SV2C: variants seen among roughly 807,000 people sequenced by gnomAD.
SV2C encodes the protein solute carrier family 22 member B3.
Under a neutral mutation model 79.7 loss-of-function variants are expected in SV2C, and 49 were observed. The observed-to-expected ratio is 0.61, with a 90% CI of 0.49 to 0.78. The LOEUF is 0.78. Ranked by LOEUF, SV2C falls within the 30% of genes least tolerant of loss-of-function variation. The probability of loss-of-function intolerance (pLI) is 0.00; values close to 1 mark genes in which losing one functional copy is unlikely to be tolerated. For synonymous variants in SV2C, 334 were observed against 333.2 expected (o/e 1.00, Z -0.03); for missense variants, 833 against 912.9 (o/e 0.91, Z 1.13).
At chr5:76,165,835 G>C (rs572479412) in intron 2 of SV2C, among the ~76,000 whole-genome samples, 1 of 152,304 alleles carries the variant, frequency 6.6e-6, no homozygotes, top group African/African-American at 2.4e-5. Context: ...CAAGGTTGGG[G>C]CTGGGAGAGA....
At chr5:76,208,264 T>TA (rs1311205660) in intron 3 of SV2C, among the ~76,000 whole-genome samples, 7 of 152,240 alleles carry the variant, frequency 4.6e-5, no homozygotes, top group African/African-American at 1.2e-4. Flanking sequence ...AAATGATACT[T>TA]ATGCTTATCC....
chr5:75,959,245 C>T, the SV2C span, among the ~76,000 whole-genome samples: 5 of 152,054 alleles, frequency 3.3e-5, no homozygotes, highest in Admixed American at 6.6e-5. Flanking sequence ...TGGAGTTTAG[C>T]GGGGCAGACT....
chr5:76,138,002 A>T (rs1749124960), intron 2 of SV2C, among the ~76,000 whole-genome samples: 1 of 152,238 alleles, frequency 6.6e-6, no homozygotes, highest in African/African-American at 2.4e-5. Flanking sequence ...CACTAGTGTT[A>T]CAGGTTCAGT....
At chr5:76,052,279 T>C in the SV2C span, among the ~76,000 whole-genome samples, 5 of 152,338 alleles carry the variant, frequency 3.3e-5, no homozygotes, top group South Asian at 4.1e-4. Flanking sequence ...TTGAGATCAG[T>C]GTGCTTCAGA....
the SV2C span, among the ~76,000 whole-genome samples, chr5:76,034,606 A>G: frequency 6.6e-6 from 1 of 152,174 alleles, no homozygotes; most frequent in Non-Finnish European, 1.5e-5. Context: ...AGCCCACTTG[A>G]TCATGGTGGA....
intron 4 of SV2C, among the ~76,000 whole-genome samples, chr5:76,263,869 G>A (rs900562543): frequency 3.9e-5 from 6 of 151,940 alleles, no homozygotes; most frequent in Admixed American, 6.6e-5. Context: ...TTTTTCCTTC[G>A]TTTGAACCTT....
chr5:75,992,674 A>G, the SV2C span, among the ~76,000 whole-genome samples: 1 of 152,056 alleles, frequency 6.6e-6, no homozygotes, highest in Admixed American at 6.6e-5. Flanking sequence ...CTTGTCTCCC[A>G]GTGGTAAATC....
the SV2C span, among the ~76,000 whole-genome samples, chr5:76,034,028 C>G: frequency 1.5e-5 from 2 of 136,404 alleles, no homozygotes; most frequent in Non-Finnish European, 1.7e-5. Flanking sequence ...TGGGAGTTCA[C>G]TCATGATTTG....
At chr5:76,316,528 C>T (rs186091534) in intron 12 of SV2C, among the ~76,000 whole-genome samples, 451 of 152,268 alleles carry the variant, frequency 3.0e-3, no homozygotes, top group Non-Finnish European at 3.9e-3. Flanking sequence ...GTTATACGTG[C>T]ACTTTGGTTC....
chr5:76,107,416 G>A (rs1267685111), intron 1 of SV2C, among the ~76,000 whole-genome samples: 5 of 152,144 alleles, frequency 3.3e-5, no homozygotes, highest in African/African-American at 7.2e-5. Context: ...TGACTAGCTC[G>A]TGAGTTAGAT....
intron 6 of SV2C, among the ~76,000 whole-genome samples, chr5:76,288,461 A>G (rs1747426168): frequency 6.6e-6 from 1 of 152,234 alleles, no homozygotes; most frequent in Non-Finnish European, 1.5e-5. Context: ...TTGAGTAGAT[A>G]TACAATAGAG....
In SV2C at chr5:76,333,443, G is replaced by T. The variant is rs1040779407; in HGVS notation, c.*7896G>T. ...CTTCCATTTTGAACATATGCTAAACGTACTATCCACTGTCTATTTTAATGA... is the reference window on the plus strand; with the variant it reads ...CTTCCATTTTGAACATATGCTAAACTTACTATCCACTGTCTATTTTAATGA... On this transcript the variant is annotated 3_prime_UTR_variant, in exon 13 of 13. Coordinates refer to ENST00000502798, the MANE Select transcript of SV2C (RefSeq NM_014979.4). 6.6e-6 allele frequency: 1 copy of T among 152,102 alleles called. No individual in the cohort carries two copies. The highest frequency in any genetic ancestry group is 2.4e-5 in the African/African-American group (1 of 41,404). The allele number at this position is 152,102 out of a possible 1,614,324, so 9.4% of individuals were successfully genotyped here.
At position 76,236,890 on chromosome 5, in the gene SV2C, G is replaced by A. The variant is rs560212837; in HGVS notation, c.913+27003G>A. On this transcript the variant is annotated intron_variant, in intron 4 of 12. Coordinates refer to ENST00000502798, the MANE Select transcript of SV2C (RefSeq NM_014979.4). ...AAGGCGGGAACAGGTGGAGGTAATT[G>A]CATCCTGGGGGTAGTTTCCCCCATG... is the stretch of plus-strand genomic sequence containing the variant. Among the ~76,000 whole-genome samples the A allele has an allele frequency of 4.6e-5, 7 of 152,284 alleles. No individual in the cohort carries two copies. The East Asian group carries it at 1.4e-3, about 29-fold the overall frequency.
chr5:76,126,950 T>C (rs569792144), intron 1 of SV2C, among the ~76,000 whole-genome samples: 11 of 152,346 alleles, frequency 7.2e-5, no homozygotes, highest in African/African-American at 2.6e-4. Flanking sequence ...TGAGCATTAT[T>C]GTGTGATAAT....
the SV2C span, among the ~76,000 whole-genome samples, chr5:76,046,270 C>A: frequency 6.6e-6 from 1 of 151,442 alleles, no homozygotes. Flanking sequence ...CAAAGGCCAC[C>A]CCATCACTGT....
chr5:76,002,650 G>T, the SV2C span, among the ~76,000 whole-genome samples: 1 of 152,134 alleles, frequency 6.6e-6, no homozygotes, highest in East Asian at 1.9e-4. Context: ...GAACAGAAAA[G>T]GGTGAAGCCT....
chr5:76,341,358 A>G (rs1325676837), intron 12 of SV2C, among the ~76,000 whole-genome samples: 1 of 151,610 alleles, frequency 6.6e-6, no homozygotes, highest in East Asian at 2.0e-4. Context: ...AACAGCATCC[A>G]TCTCTACAAG....
At chr5:75,939,182 C>T in the SV2C span, among the ~76,000 whole-genome samples, 1 of 152,124 alleles carries the variant, frequency 6.6e-6, no homozygotes, top group Admixed American at 6.6e-5. Flanking sequence ...ATATATTTGT[C>T]TGCTTGGGCT....
intron 2 of SV2C, among the ~76,000 whole-genome samples, chr5:76,150,826 A>G (rs1350575358): frequency 6.6e-6 from 1 of 150,440 alleles, no homozygotes; most frequent in Non-Finnish European, 1.5e-5. Context: ...TTTTGTGGAG[A>G]TGGGGGCCTC....
Sources: gnomAD v4.1 joint callset for allele counts (sites outside exome capture counted in the v4.1 genomes callset) on GRCh38, gnomAD v4.1.1 for gene constraint, MANE v1.5 for transcripts, NCBI Gene and HGNC (gene_info 2026-07-23, HGNC 2026-07-21) for gene names.